RPS6KC1: variants seen among roughly 807,000 people sequenced by gnomAD.
RPS6KC1 encodes the protein inactive ribosomal protein S6 kinase delta-1.
In RPS6KC1, 54 loss-of-function variants were observed where a neutral mutation model predicts 103.8. The ratio of observed to expected loss-of-function variants is 0.52; its 90% CI spans 0.42 to 0.65. The LOEUF is 0.65. RPS6KC1 is among the 30% of genes least tolerant of loss of function. RPS6KC1 has a pLI of 0.00. For synonymous variants in RPS6KC1, 439 were observed against 438.7 expected (o/e 1.00, Z -0.01); for missense variants, 1,151 against 1,253.8 (o/e 0.92, Z 1.24).
intron 6 of RPS6KC1, among the ~76,000 whole-genome samples, chr1:213,152,833 G>C (rs901208118): frequency 6.6e-6 from 1 of 152,180 alleles, no homozygotes; most frequent in African/African-American, 2.4e-5. Flanking sequence ...CTTCCCAGAC[G>C]GGGTGGCGGC....
the RPS6KC1 span, among the ~76,000 whole-genome samples, chr1:213,613,675 AGAGTAACTAT>A: frequency 6.6e-6 from 1 of 152,220 alleles, no homozygotes; most frequent in Non-Finnish European, 1.5e-5. Flanking sequence ...AAAGGCTTGA[AGAGTAACTAT>A]GAGCTTGCTG....
At chr1:213,117,142 C>G (rs1409505039) in intron 4 of RPS6KC1, among the ~76,000 whole-genome samples, 175 bp from the exon 5 acceptor site, 7 of 152,164 alleles carry the variant, frequency 4.6e-5, no homozygotes, top group Non-Finnish European at 8.8e-5. Context: ...ACGTTTGTTA[C>G]AGTCGATGAG....
At chr1:213,779,714 C>G in the RPS6KC1 span, among the ~76,000 whole-genome samples, 1 of 152,170 alleles carries the variant, frequency 6.6e-6, no homozygotes, top group Non-Finnish European at 1.5e-5. Context: ...CCAGTTAGTT[C>G]AAGTTGATGA....
At chr1:213,573,178 C>T in the RPS6KC1 span, among the ~76,000 whole-genome samples, 1 of 152,188 alleles carries the variant, frequency 6.6e-6, no homozygotes, top group Non-Finnish European at 1.5e-5. Context: ...AGGGTTCCGT[C>T]AATAAGAAAC....
intron 1 of RPS6KC1, among the ~76,000 whole-genome samples, chr1:213,063,580 G>A (rs761448607): frequency 1.3e-5 from 2 of 152,080 alleles, no homozygotes; most frequent in African/African-American, 4.8e-5. Context: ...CAGAAATTGT[G>A]GTAGTATTTC....
the RPS6KC1 span, among the ~76,000 whole-genome samples, chr1:213,662,208 C>T: frequency 8.2e-6 from 1 of 121,798 alleles, no homozygotes; most frequent in African/African-American, 3.2e-5. Context: ...CTCTCAGGTG[C>T]TTAGCCTGTG....
intron 2 of RPS6KC1, among the ~76,000 whole-genome samples, chr1:213,074,409 A>G (rs2079126973): frequency 6.6e-6 from 1 of 152,200 alleles, no homozygotes; most frequent in African/African-American, 2.4e-5. Context: ...TCAATGGGAA[A>G]GTATTGAACA....
the RPS6KC1 span, among the ~76,000 whole-genome samples, chr1:213,483,397 A>C: frequency 6.6e-6 from 1 of 152,200 alleles, no homozygotes; most frequent in Non-Finnish European, 1.5e-5. Context: ...GATATAACAC[A>C]ATTTGTTTAT....
chr1:213,769,840 A>G, the RPS6KC1 span, among the ~76,000 whole-genome samples: 1 of 152,340 alleles, frequency 6.6e-6, no homozygotes, highest in Non-Finnish European at 1.5e-5. Flanking sequence ...TTAAAAAAAA[A>G]TAAGTAAAAT....
intron 14 of RPS6KC1, among the ~76,000 whole-genome samples, chr1:213,269,887 A>G (rs1163938083): frequency 6.6e-6 from 1 of 151,726 alleles, no homozygotes; most frequent in Non-Finnish European, 1.5e-5. Context: ...CTGTCTCTAA[A>G]TTTAAAAAAG....
the RPS6KC1 span, among the ~76,000 whole-genome samples, chr1:213,649,834 A>G: frequency 6.6e-6 from 1 of 152,196 alleles, no homozygotes; most frequent in Non-Finnish European, 1.5e-5. Context: ...ACAAGCATAG[A>G]GAACTCTTGC....
At chr1:213,573,081 T>C in the RPS6KC1 span, among the ~76,000 whole-genome samples, 2 of 152,352 alleles carry the variant, frequency 1.3e-5, no homozygotes, top group African/African-American at 4.8e-5. Context: ...TATGTCAGAA[T>C]ACAAAGTTTA....
chr1:213,651,061 T>A, the RPS6KC1 span, among the ~76,000 whole-genome samples: 3 of 151,878 alleles, frequency 2.0e-5, no homozygotes, highest in African/African-American at 7.3e-5. Flanking sequence ...GAGTGTTGTT[T>A]GGAAGTGTGA....
chr1:213,659,637 G>GT, the RPS6KC1 span, among the ~76,000 whole-genome samples: 1,750 of 142,618 alleles, frequency 0.012, 25 homozygotes, highest in Non-Finnish European at 0.014. Context: ...TGTATTCAGG[G>GT]TTTTTTTTTT....
the RPS6KC1 span, among the ~76,000 whole-genome samples, chr1:213,562,390 T>G: frequency 3.1e-5 from 2 of 64,788 alleles, no homozygotes; most frequent in South Asian, 6.8e-4. Context: ...TTTTTTTTTT[T>G]TTTTTTTTTT....
At chr1:213,459,467 C>A in the RPS6KC1 span, among the ~76,000 whole-genome samples, 2 of 151,846 alleles carry the variant, frequency 1.3e-5, no homozygotes, top group African/African-American at 4.8e-5. Flanking sequence ...CTTATGGTGT[C>A]TATTTGATTA....
chr1:213,622,952 C>G, the RPS6KC1 span, among the ~76,000 whole-genome samples: 1 of 152,136 alleles, frequency 6.6e-6, no homozygotes, highest in Non-Finnish European at 1.5e-5. Context: ...TCGCGCGAGG[C>G]CAGACAGCAG....
the RPS6KC1 span, among the ~76,000 whole-genome samples, chr1:213,729,674 C>T: frequency 6.6e-6 from 1 of 152,140 alleles, no homozygotes; most frequent in African/African-American, 2.4e-5. Flanking sequence ...GGCCGTGATT[C>T]CTTTATTCCA....
chr1:213,096,769 G>A (rs1353495961), intron 3 of RPS6KC1, among the ~76,000 whole-genome samples: 1 of 151,974 alleles, frequency 6.6e-6, no homozygotes, highest in Non-Finnish European at 1.5e-5. Flanking sequence ...TTTTGCTTAG[G>A]TTTCTGAGAG....
Sources: gnomAD v4.1 joint callset for allele counts (sites outside exome capture counted in the v4.1 genomes callset) on GRCh38, gnomAD v4.1.1 for gene constraint, MANE v1.5 for transcripts, NCBI Gene and HGNC (gene_info 2026-07-23, HGNC 2026-07-21) for gene names.